The following SNX32 variants were observed in gnomAD, a reference collection of about 807,000 sequenced individuals.
The protein encoded by SNX32 is sorting nexin 32.
In SNX32, 58 loss-of-function variants were observed where a neutral mutation model predicts 57.0. The ratio of observed to expected loss-of-function variants is 1.02; its 90% CI spans 0.82 to 1.27. The LOEUF is 1.27. Ranked by LOEUF, SNX32 falls within the 50% of genes most tolerant of loss-of-function variation. The pLI is 0.00. For missense variants in SNX32, 589 were observed against 541.2 expected (o/e 1.09, Z -0.88); for synonymous variants, 262 against 220.4 (o/e 1.19, Z -1.67).
intron 1 of SNX32, among the ~76,000 whole-genome samples, chr11:65,835,057 G>A (rs1408477093): frequency 1.3e-5 from 2 of 150,350 alleles, no homozygotes; most frequent in Non-Finnish European, 3.0e-5. Flanking sequence ...GTGTTTCTAT[G>A]TGTGTCTGTG....
chr11:65,837,228 A>G (rs1021350125), intron 1 of SNX32, among the ~76,000 whole-genome samples: 2 of 152,198 alleles, frequency 1.3e-5, no homozygotes. Flanking sequence ...AGTAATTACA[A>G]TGATTATGAA....
chr11:65,849,500 T>C lies in SNX32; in HGVS notation c.59T>C (p.Leu20Pro). 1 of 1,613,132 alleles carries C rather than the reference T, an allele frequency of 6.2e-7. No homozygotes were observed. The highest frequency in any genetic ancestry group is 8.5e-7 in the Non-Finnish European group (1 of 1,179,340). ...EGKPSCASVD[L>P]QGDSSLQVEI... is the part of the protein sequence containing the mutation. ...CAGCCTTCCTGTGCATCGGTGGATC[T>C]GCAGGGAGACAGCTCCTTACAGGTG... The change falls in exon 2 of 13, where the codon CTG (leucine) becomes CCG (proline). Residue 20 changes from leucine to proline, a missense_variant. Physicochemically the swap from Leu to Pro is moderately conservative, Grantham distance 98. Coordinates refer to ENST00000308342, the MANE Select transcript of SNX32 (RefSeq NM_152760.3).
chr11:65,834,179 G>GTGTGTC (rs1858584426), intron 1 of SNX32, 78 bp downstream of exon 1: 9 of 436,376 alleles, frequency 2.1e-5, no homozygotes, highest in Non-Finnish European at 2.9e-5. Flanking sequence ...ATGCGGTGGT[G>GTGTGTC]TGTGTGTGTC....
intron 5 of SNX32, 91 bp from the exon 6 acceptor site, chr11:65,850,660 A>G: frequency 6.4e-7 from 1 of 1,568,206 alleles, no homozygotes; most frequent in Non-Finnish European, 8.7e-7. Context: ...AGTGGGCCCA[A>G]TCCTGTGTCA....
chr11:65,839,778 A>G (rs1389117330), intron 1 of SNX32, among the ~76,000 whole-genome samples: 1 of 152,008 alleles, frequency 6.6e-6, no homozygotes, highest in East Asian at 1.9e-4. Context: ...AATATATAAA[A>G]GGATAATACT....
intron 1 of SNX32, among the ~76,000 whole-genome samples, chr11:65,839,220 T>TTG (rs1858754221): frequency 4.9e-5 from 1 of 20,476 alleles, no homozygotes; most frequent in South Asian, 2.1e-3. Flanking sequence ...AGCTAATTTT[T>TTG]TTGTATTTTT....
At chr11:65,848,635 G>A (rs1859069097) in intron 1 of SNX32, among the ~76,000 whole-genome samples, 1 of 152,178 alleles carries the variant, frequency 6.6e-6, no homozygotes, top group South Asian at 2.1e-4. Context: ...GTGTCTTGTG[G>A]ATCTTTTCAC....
chr11:65,849,958 C>T lies in SNX32; in HGVS notation c.180C>T (p.Val60=), dbSNP rs750224875. ...LPHFAQTEFS[V]VRQHEEFIWL... is the part of the protein sequence containing the mutation. ...ACTTCGCCCAGACCGAGTTCTCAGT[C>T]GTGCGGCAGCACGAGGAGTTCATCT... is the stretch of plus-strand genomic sequence containing the variant. The change falls in exon 3 of 13, where the codon GTC becomes GTT. Residue 60 remains valine, a synonymous_variant. Transcript: ENST00000308342. 2 of 1,600,244 alleles carry T rather than the reference C, an allele frequency of 1.2e-6. No homozygotes were observed. The highest frequency in any genetic ancestry group is 1.3e-5 in the African/African-American group (1 of 74,726).
chr11:65,851,110 G>A lies in SNX32; in HGVS notation c.659G>A (p.Arg220His), dbSNP rs374515235. 51 of 1,613,712 alleles carry A rather than the reference G, an allele frequency of 3.2e-5. No homozygotes were observed. The highest frequency in any genetic ancestry group is 2.6e-4 in the South Asian group (24 of 91,084). The change falls in exon 7 of 13, where the codon CGT becomes CAT. Residue 220 changes from arginine (R) to histidine (H), a missense_variant. Coordinates refer to ENST00000308342, the MANE Select transcript of SNX32 (RefSeq NM_152760.3). ...ACCTTCCTGTTGGAGTATCACACCC[G>A]TATCCGAGATGCCTGCCTGCGGGCC... ...ERTFLLEYHT[R>H]IRDACLRADR...
chr11:65,846,678 C>T (rs182501168), intron 1 of SNX32, among the ~76,000 whole-genome samples: 186 of 151,948 alleles, frequency 1.2e-3, no homozygotes, highest in Admixed American at 2.7e-3. Context: ...AGGAGCCTTC[C>T]GGAGTGTTTA....
chr11:65,850,388 A>C lies in SNX32; in HGVS notation c.375-43A>C, dbSNP rs373070396. On this transcript the variant is annotated intron_variant, in intron 4 of 12. Transcript: ENST00000308342. Reference sequence around the variant, plus strand: ...CCCCAGAAAGGGGGCAGGCAGGATGATGGGGGCTGAGGAGGGCCGGTGAGC... The same window carrying C: ...CCCCAGAAAGGGGGCAGGCAGGATGCTGGGGGCTGAGGAGGGCCGGTGAGC... The C allele has an allele frequency of 1.9e-6, 3 of 1,612,676 alleles. No individual in the cohort carries two copies. In the African/African-American group the frequency reaches 4.0e-5, roughly 22 times the overall value.
Position 65,853,488 on chromosome 11 carries a change from C to T in SNX32, c.*153C>T. ...TCCTCTCAGGGAAAGCCCAAACCCC[C>T]TATCACCACCACCACAGGTGCCAGG... On this transcript the variant is annotated 3_prime_UTR_variant, in exon 13 of 13. Transcript: ENST00000308342. 1.4e-6 allele frequency: 1 copy of T among 726,862 alleles called. No homozygotes were observed. The highest frequency in any genetic ancestry group is 2.3e-6 in the Non-Finnish European group (1 of 427,158). 45.0% of individuals were successfully genotyped at this position (726,862 alleles called of 1,614,324 possible). A position where few individuals can be genotyped will look rare whatever the true frequency, so the allele number is the denominator to read the frequency against.
At chr11:65,850,369 A>G (rs765915773) in intron 4 of SNX32, 62 bp from the exon 5 acceptor site, 46 of 1,612,184 alleles carry the variant, frequency 2.9e-5, no homozygotes, top group Non-Finnish European at 3.8e-5. Context: ...CTGACCCCAG[A>G]AAGGGGGCAG....
chr11:65,838,219 A>G (rs993967528), intron 1 of SNX32, among the ~76,000 whole-genome samples: 4 of 151,772 alleles, frequency 2.6e-5, no homozygotes, highest in African/African-American at 4.8e-5. Flanking sequence ...GGAAGGAAGG[A>G]AGGAAGGAGA....
At chr11:65,841,146 T>C (rs938177305) in intron 1 of SNX32, among the ~76,000 whole-genome samples, 2 of 150,700 alleles carry the variant, frequency 1.3e-5, no homozygotes, top group Non-Finnish European at 3.0e-5. Flanking sequence ...GGTTTTACCA[T>C]GTTGACCAGC....
intron 1 of SNX32, among the ~76,000 whole-genome samples, chr11:65,846,566 C>G (rs750906269): frequency 7.1e-6 from 1 of 139,910 alleles, no homozygotes; most frequent in Non-Finnish European, 1.5e-5. Context: ...AACTCTGTCT[C>G]GAAAAAAAAA....
At position 65,853,532 on chromosome 11, in the gene SNX32, A is replaced by G. The variant is rs372041964; in HGVS notation, c.*197A>G. ...TGCCAGGCCCTGCAAGACACAGGGC[A>G]GCATGGGCATCATAACTGGCCACAG... On this transcript the variant is annotated 3_prime_UTR_variant, in exon 13 of 13. Transcript: ENST00000308342. 16 of 612,626 alleles carry G rather than the reference A, an allele frequency of 2.6e-5. No individual in the cohort carries two copies. In the African/African-American group the frequency reaches 3.0e-4, roughly 11 times the overall value. The allele number at this position is 612,626 out of a possible 1,614,324, so 37.9% of individuals were successfully genotyped here.
chr11:65,851,258 G>A (rs538172041), intron 7 of SNX32, 70 bp from the exon 8 acceptor site: 1 of 1,605,746 alleles, frequency 6.2e-7, no homozygotes, highest in Admixed American at 1.7e-5. Flanking sequence ...CTTGTTGTTT[G>A]TCTGTGGCCA....
chr11:65,853,290 CCT>C lies in SNX32; in HGVS notation c.1168_1169del (p.Leu390AspfsTer16), dbSNP rs1437952641. On this transcript the variant is annotated frameshift_variant, in exon 13 of 13. Coordinates refer to ENST00000308342, the MANE Select transcript of SNX32 (RefSeq NM_152760.3). LOFTEE classifies it high-confidence loss of function. The stretch of plus-strand genomic sequence containing the variant: ...CTGTTTCTCCTCTGCAGGCCAGCAC[CCT>C]GATTCTCCGGAACACCCTTGTTGCC... Reference protein sequence around the residue: ...LELKHAKASTLILRNTLVALK... With the variant: ...LELKHAKASTXILRNTLVALK... The C allele has an allele frequency of 1.9e-6, 3 of 1,613,960 alleles. No homozygotes were observed. Among genetic ancestry groups the C allele is most frequent in the African/African-American group, 2.7e-5 (2 of 74,888 alleles).
Sources: gnomAD v4.1 joint callset for allele counts (sites outside exome capture counted in the v4.1 genomes callset) on GRCh38, gnomAD v4.1.1 for gene constraint, MANE v1.5 for transcripts, NCBI Gene and HGNC (gene_info 2026-07-23, HGNC 2026-07-21) for gene names.